Variants in ESR1 observed in about 807,000 individuals in gnomAD.
ESR1 encodes the protein estrogen receptor 1.
Under a neutral mutation model 52.7 loss-of-function variants are expected in ESR1, and 12 were observed. That is an observed-to-expected ratio of 0.23 (90% CI 0.15 to 0.37). The LOEUF (loss-of-function observed/expected upper bound fraction) is 0.37, where lower values mean the gene tolerates loss of function less well. Among genes scored for constraint, ESR1 ranks in the 10% least tolerant of loss-of-function variants. The pLI, the probability that ESR1 is intolerant of heterozygous loss-of-function variation, is 1.00. For synonymous variants in ESR1, 305 were observed against 316.8 expected, an observed-to-expected ratio of 0.96 and a Z score of 0.39; for missense variants, 584 against 779.7, an observed-to-expected ratio of 0.75 and a Z score of 2.99.
rs148148639 is a variant in ESR1, at chr6:151,678,682, C to T, written n.73+21919C>T. ...ACACCTGTCTGGGCTCAATACAAAC[C>T]ACTGGTTTTTTTTTTTTTTTCTGAG... On this transcript the variant is annotated intron_variant and non_coding_transcript_variant, in intron 1 of 2. Coordinates refer to the ESR1 transcript ENST00000473497. 2.6e-3 allele frequency among the ~76,000 whole-genome samples: 387 copies of T among 146,244 alleles called. 3 individuals are homozygous for T. Among genetic ancestry groups the T allele is most frequent in the African/African-American group, 9.1e-3 (370 of 40,730 alleles).
At chr6:152,072,062 A>T (rs1228720948) in intron 6 of ESR1, among the ~76,000 whole-genome samples, 2 of 148,242 alleles carry the variant, frequency 1.3e-5, no homozygotes, top group Admixed American at 6.6e-5. Flanking sequence ...GAGGAGAGTT[A>T]TGGAGGGTAG....
chr6:151,977,421 T>C (rs1316516347), intron 4 of ESR1, among the ~76,000 whole-genome samples: 4 of 140,238 alleles, frequency 2.9e-5, no homozygotes, highest in African/African-American at 1.1e-4. Context: ...TCAGCTAGGA[T>C]GGATGCTATC....
chr6:151,765,657 T>G (rs1172971236), intron 2 of ESR1, among the ~76,000 whole-genome samples: 1 of 152,186 alleles, frequency 6.6e-6, no homozygotes, highest in Non-Finnish European at 1.5e-5. Context: ...TAAAACTACA[T>G]GGAGGAGTTG....
chr6:152,106,637 G>A (rs559932719), downstream of ESR1, among the ~76,000 whole-genome samples: 20 of 152,252 alleles, frequency 1.3e-4, no homozygotes, highest in African/African-American at 4.8e-4. Context: ...CACCCAGGCT[G>A]GAGTGCAGTG....
chr6:151,908,164 T>C (rs1797733897), intron 3 of ESR1, among the ~76,000 whole-genome samples: 1 of 152,202 alleles, frequency 6.6e-6, no homozygotes, highest in African/African-American at 2.4e-5. Flanking sequence ...AAAACTTTGA[T>C]ATTCTTATAT....
At chr6:152,092,010 A>T (rs2050224545) in intron 6 of ESR1, among the ~76,000 whole-genome samples, 1 of 152,164 alleles carries the variant, frequency 6.6e-6, no homozygotes. Flanking sequence ...TGCACTGGGT[A>T]TGATGACACA....
At chr6:152,028,020 T>A (rs1402007893) in intron 5 of ESR1, among the ~76,000 whole-genome samples, 2 of 152,004 alleles carry the variant, frequency 1.3e-5, no homozygotes, top group South Asian at 2.1e-4. Context: ...GGCAGGCACC[T>A]GTAGTCCCAG....
chr6:151,791,286 G>A (rs534817502), intron 2 of ESR1, among the ~76,000 whole-genome samples: 1 of 152,254 alleles, frequency 6.6e-6, no homozygotes, highest in African/African-American at 2.4e-5. Flanking sequence ...AATCACGGGG[G>A]CGGGTCTCTC....
chr6:152,026,167 T>C (rs2044131480), intron 5 of ESR1, among the ~76,000 whole-genome samples: 1 of 152,076 alleles, frequency 6.6e-6, no homozygotes, highest in Non-Finnish European at 1.5e-5. Context: ...AAATGAAGGT[T>C]TATTTACCCT....
At chr6:151,994,904 C>A (rs933997969) in intron 4 of ESR1, among the ~76,000 whole-genome samples, 1 of 152,012 alleles carries the variant, frequency 6.6e-6, no homozygotes, top group Non-Finnish European at 1.5e-5. Context: ...CCAAGGCAGG[C>A]GTTTTGTCTT....
At chr6:151,762,284 T>C (rs1784717226) in intron 2 of ESR1, among the ~76,000 whole-genome samples, 1 of 152,240 alleles carries the variant, frequency 6.6e-6, no homozygotes, top group Non-Finnish European at 1.5e-5. Flanking sequence ...GGTGTATGCA[T>C]GTTTTTAGAA....
At chr6:151,792,807 G>C (rs1776303041) in intron 2 of ESR1, among the ~76,000 whole-genome samples, 1 of 152,074 alleles carries the variant, frequency 6.6e-6, no homozygotes, top group South Asian at 2.1e-4. Context: ...CAAACACATT[G>C]TACAGCTGTA....
chr6:151,684,916 C>T (rs969430763), intron 1 of ESR1, among the ~76,000 whole-genome samples: 7 of 152,136 alleles, frequency 4.6e-5, no homozygotes, highest in Non-Finnish European at 1.0e-4. Flanking sequence ...AGGCGCTTTC[C>T]ACTGCTAATC....
At chr6:151,866,165 G>A (rs983001907) in intron 2 of ESR1, among the ~76,000 whole-genome samples, 3 of 152,140 alleles carry the variant, frequency 2.0e-5, no homozygotes, top group Non-Finnish European at 2.9e-5. Flanking sequence ...GATCATCTAC[G>A]CTAGTTTGAG....
chr6:151,749,622 T>TA (rs1783751536), intron 2 of ESR1, among the ~76,000 whole-genome samples: 1 of 152,136 alleles, frequency 6.6e-6, no homozygotes, highest in Admixed American at 6.6e-5. Flanking sequence ...CTTCTGAAAA[T>TA]ACACTGGCAA....
intron 2 of ESR1, among the ~76,000 whole-genome samples, chr6:151,781,695 G>T (rs564398662): frequency 1.3e-5 from 2 of 152,056 alleles, no homozygotes; most frequent in Admixed American, 1.3e-4. Context: ...CACCCAAATT[G>T]TATACCAGGC....
At chr6:152,031,004 A>C (rs1234349512) in intron 5 of ESR1, among the ~76,000 whole-genome samples, 2 of 152,196 alleles carry the variant, frequency 1.3e-5, no homozygotes, top group Non-Finnish European at 2.9e-5. Context: ...CCGCTCAACT[A>C]CATGGAAACT....
chr6:152,063,590 A>G lies in ESR1; in HGVS notation c.1369+2466A>G, dbSNP rs182646137. The stretch of plus-strand genomic sequence containing the variant: ...TCAGAATAAAAAAGCAATCAGTCAT[A>G]TGAAGCATGTGGTCATACCACAATC... On this transcript the variant is annotated intron_variant, in intron 6 of 7. Coordinates refer to ENST00000206249, the MANE Select transcript of ESR1 (RefSeq NM_000125.4). 5.3e-5 allele frequency among the ~76,000 whole-genome samples: 8 copies of G among 152,350 alleles called. No homozygotes were observed. The East Asian group carries it at 1.3e-3, about 26-fold the overall frequency.
At chr6:152,076,397 CT>C (rs1191642151) in intron 6 of ESR1, among the ~76,000 whole-genome samples, 1 of 152,184 alleles carries the variant, frequency 6.6e-6, no homozygotes, top group Middle Eastern at 3.2e-3. Flanking sequence ...AATTAAACCT[CT>C]TTTTCTTCCC....
Sources: gnomAD v4.1 joint callset for allele counts (sites outside exome capture counted in the v4.1 genomes callset) on GRCh38, gnomAD v4.1.1 for gene constraint, MANE v1.5 for transcripts, NCBI Gene and HGNC (gene_info 2026-07-23, HGNC 2026-07-21) for gene names.